Variants in LRP1B observed in about 807,000 individuals in gnomAD.
The protein encoded by LRP1B is low-density lipoprotein receptor-related protein 1B.
Under a neutral mutation model 556.6 loss-of-function variants are expected in LRP1B, and 217 were observed. That is an observed-to-expected ratio of 0.39 (90% CI 0.35 to 0.44). The LOEUF is 0.44. LRP1B is among the 20% of genes least tolerant of loss of function. The pLI, the probability that LRP1B is intolerant of heterozygous loss-of-function variation, is 1.00. For missense variants in LRP1B, 5,053 were observed against 5,620.8 expected, an observed-to-expected ratio of 0.90 and a Z score of 3.23; for synonymous variants, 2,047 against 1,865.8, an observed-to-expected ratio of 1.10 and a Z score of -2.50.
chr2:140,687,686 C>T (rs1269004349), intron 41 of LRP1B, among the ~76,000 whole-genome samples: 1 of 151,868 alleles, frequency 6.6e-6, no homozygotes, highest in Non-Finnish European at 1.5e-5. Flanking sequence ...GTAAATAAAA[C>T]TTCTTTATTT....
intron 23 of LRP1B, among the ~76,000 whole-genome samples, chr2:140,891,026 A>T (rs1460234191): frequency 6.6e-6 from 1 of 152,126 alleles, no homozygotes; most frequent in Admixed American, 6.6e-5. Flanking sequence ...TCTATCTCAT[A>T]AACGACTGAA....
chr2:141,088,177 T>C (rs140032689), intron 7 of LRP1B, among the ~76,000 whole-genome samples: 1 of 152,276 alleles, frequency 6.6e-6, no homozygotes, highest in East Asian at 1.9e-4. Flanking sequence ...GAAATCCTAA[T>C]ATAATCCAGT....
At chr2:141,462,289 A>G (rs1465539548) in intron 3 of LRP1B, among the ~76,000 whole-genome samples, 2 of 152,204 alleles carry the variant, frequency 1.3e-5, no homozygotes, top group Non-Finnish European at 2.9e-5. Context: ...GTTAATTCCA[A>G]CAGTACCTAA....
intron 1 of LRP1B, among the ~76,000 whole-genome samples, chr2:142,095,874 C>T (rs921126150): frequency 1.3e-5 from 2 of 151,612 alleles, no homozygotes; most frequent in African/African-American, 4.8e-5. Flanking sequence ...AATCCAACCC[C>T]AAAAAACAAA....
intron 1 of LRP1B, 110 bp downstream of exon 1, chr2:142,130,538 G>T (rs7594671): frequency 0.084 from 75,852 of 898,130 alleles, 3,745 homozygotes; most frequent in Non-Finnish European, 0.097. Flanking sequence ...ACCCGGTCCC[G>T]GGGAGCGGAG....
chr2:140,410,710 A>G (rs66502114), intron 66 of LRP1B, among the ~76,000 whole-genome samples: 5,792 of 152,222 alleles, frequency 0.038, 173 homozygotes, highest in Non-Finnish European at 0.059. Context: ...AGCCTACTCA[A>G]ATATTCCTTC....
chr2:141,707,761 A>C (rs1402401019), intron 2 of LRP1B, among the ~76,000 whole-genome samples: 3 of 152,208 alleles, frequency 2.0e-5, no homozygotes, highest in Non-Finnish European at 4.4e-5. Context: ...TTATCATGCC[A>C]ACAATGACTG....
At chr2:140,333,658 T>C (rs1173322390) in intron 79 of LRP1B, among the ~76,000 whole-genome samples, 1 of 152,078 alleles carries the variant, frequency 6.6e-6, no homozygotes, top group Non-Finnish European at 1.5e-5. Flanking sequence ...TAATATGTAC[T>C]ACGAACAATG....
intron 14 of LRP1B, among the ~76,000 whole-genome samples, chr2:141,012,164 G>A (rs865947708): frequency 9.2e-5 from 14 of 152,140 alleles, no homozygotes; most frequent in African/African-American, 3.4e-4. Flanking sequence ...TACACACGTT[G>A]CATTTAGTTA....
intron 2 of LRP1B, among the ~76,000 whole-genome samples, chr2:141,569,082 G>T (rs1426067263): frequency 1.3e-5 from 2 of 150,880 alleles, no homozygotes; most frequent in African/African-American, 4.8e-5. Context: ...CATTTATTTG[G>T]TACCAAATGT....
intron 6 of LRP1B, among the ~76,000 whole-genome samples, chr2:141,214,237 A>G (rs1186327184): frequency 3.3e-5 from 5 of 152,088 alleles, no homozygotes; most frequent in Non-Finnish European, 5.9e-5. Flanking sequence ...ACTCTTTCTA[A>G]CAGAATCCTG....
intron 1 of LRP1B, among the ~76,000 whole-genome samples, chr2:142,079,546 C>T (rs10173643): frequency 0.74 from 112,297 of 151,816 alleles, 42,023 homozygotes; most frequent in Non-Finnish European, 0.78. Flanking sequence ...CTCACTGTGT[C>T]GCCCAGGTTG....
chr2:140,952,061 A>G (rs1381261642), intron 18 of LRP1B, 121 bp from the exon 19 acceptor site: 6 of 686,502 alleles, frequency 8.7e-6, no homozygotes, highest in Non-Finnish European at 1.3e-5. Flanking sequence ...CACAGAGGAA[A>G]TGGCAGATAA....
intron 2 of LRP1B, among the ~76,000 whole-genome samples, chr2:141,776,060 A>G (rs1232756003): frequency 1.3e-5 from 2 of 151,754 alleles, no homozygotes; most frequent in Non-Finnish European, 2.9e-5. Context: ...GTTAGCCAGG[A>G]TGGTCTCGAT....
chr2:140,287,922 G>T (rs994454449), intron 84 of LRP1B, among the ~76,000 whole-genome samples: 3 of 149,622 alleles, frequency 2.0e-5, no homozygotes, highest in Non-Finnish European at 4.5e-5. Context: ...TTTGGAAAAT[G>T]TAGTGGATTA....
intron 2 of LRP1B, among the ~76,000 whole-genome samples, chr2:141,482,861 T>C (rs1196087170): frequency 2.0e-5 from 3 of 152,126 alleles, no homozygotes; most frequent in Non-Finnish European, 4.4e-5. Context: ...AAACACTTCA[T>C]AAACCTGAGA....
chr2:140,654,024 T>C (rs1684781596), intron 41 of LRP1B, among the ~76,000 whole-genome samples: 1 of 32,586 alleles, frequency 3.1e-5, no homozygotes, highest in Admixed American at 5.6e-4. Flanking sequence ...AGACTCCATC[T>C]CAAAAAAAAA....
intron 15 of LRP1B, among the ~76,000 whole-genome samples, chr2:140,995,189 T>C (rs1473285659): frequency 6.6e-6 from 1 of 152,058 alleles, no homozygotes; most frequent in Non-Finnish European, 1.5e-5. Flanking sequence ...AATCAGAGTT[T>C]GTGAGCTCCC....
chr2:140,458,810 T>C (rs1248476625), intron 60 of LRP1B, among the ~76,000 whole-genome samples: 1 of 150,694 alleles, frequency 6.6e-6, no homozygotes, highest in South Asian at 2.1e-4. Context: ...TCAACTAAAG[T>C]AAATATTTTA....
Sources: gnomAD v4.1 joint callset for allele counts (sites outside exome capture counted in the v4.1 genomes callset) on GRCh38, gnomAD v4.1.1 for gene constraint, MANE v1.5 for transcripts, NCBI Gene and HGNC (gene_info 2026-07-23, HGNC 2026-07-21) for gene names.